TFCP2L1: variants seen among roughly 807,000 people sequenced by gnomAD.
The protein encoded by TFCP2L1 is transcription factor CP2 like 1, also known as transcription factor CP2-like protein 1.
Under a neutral mutation model 72.2 loss-of-function variants are expected in TFCP2L1, and 12 were observed. The observed-to-expected ratio is 0.17, with a 90% CI of 0.11 to 0.27. TFCP2L1 has a LOEUF of 0.27. Ranked by LOEUF, TFCP2L1 falls within the 10% of genes least tolerant of loss-of-function variation. TFCP2L1 has a pLI of 1.00. For missense variants in TFCP2L1, 488 were observed against 624.6 expected (o/e 0.78, Z 2.33); for synonymous variants, 260 against 251.0 (o/e 1.04, Z -0.34).
At chr2:121,257,689 C>G (rs1457435256) in intron 2 of TFCP2L1, among the ~76,000 whole-genome samples, 3 of 152,244 alleles carry the variant, frequency 2.0e-5, no homozygotes, top group Non-Finnish European at 4.4e-5. Flanking sequence ...CATAAGACCG[C>G]CCACACTATT....
chr2:121,249,166 A>T (rs1220619246), intron 3 of TFCP2L1, 79 bp from the exon 4 acceptor site: 1 of 1,142,124 alleles, frequency 8.8e-7, no homozygotes, highest in Non-Finnish European at 1.2e-6. Flanking sequence ...GAGCCACAGT[A>T]AACCCTCCCA....
chr2:121,247,374 G>C (rs766368428), intron 5 of TFCP2L1, among the ~76,000 whole-genome samples: 1 of 152,092 alleles, frequency 6.6e-6, no homozygotes, highest in Non-Finnish European at 1.5e-5. Flanking sequence ...CTCAGGCCAG[G>C]CTTAAAGGAC....
chr2:121,224,221 G>C lies in TFCP2L1; in HGVS notation c.*120C>G. ...GTGCTCTGTAGCTTTCACAGACTGG[G>C]CAGGGTCCCTCCTGGCCTCAGCTTG... On this transcript the variant is annotated 3_prime_UTR_variant, in exon 15 of 15. Coordinates refer to ENST00000263707, the MANE Select transcript of TFCP2L1 (RefSeq NM_014553.3). 1.8e-6 allele frequency: 2 copies of C among 1,138,724 alleles called. No individual in the cohort carries two copies. The highest frequency in any genetic ancestry group is 2.6e-6 in the Non-Finnish European group (2 of 777,234). The allele number at this position is 1,138,724 out of a possible 1,614,324, so 70.5% of individuals were successfully genotyped here.
intron 2 of TFCP2L1, among the ~76,000 whole-genome samples, chr2:121,270,584 T>C (rs1383514686): frequency 6.6e-6 from 1 of 152,152 alleles, no homozygotes; most frequent in Non-Finnish European, 1.5e-5. Flanking sequence ...CTAATGTTCC[T>C]CAACAGAACA....
intron 7 of TFCP2L1, among the ~76,000 whole-genome samples, chr2:121,242,083 C>CAAAAAAA (rs541937558): frequency 4.6e-5 from 3 of 65,488 alleles, no homozygotes; most frequent in Non-Finnish European, 6.2e-5. Flanking sequence ...ATTACCTACT[C>CAAAAAAA]AAAAAAAAAA....
At chr2:121,243,148 C>A (rs1181399078) in intron 6 of TFCP2L1, among the ~76,000 whole-genome samples, 1 of 152,242 alleles carries the variant, frequency 6.6e-6, no homozygotes, top group Non-Finnish European at 1.5e-5. Context: ...GGCGCCTTCT[C>A]GACCTTGCTA....
intron 10 of TFCP2L1, 92 bp from the exon 11 acceptor site, chr2:121,235,403 TG>T (rs1325800011): frequency 4.4e-5 from 46 of 1,037,516 alleles, no homozygotes; most frequent in East Asian, 8.1e-5. Context: ...GCACTGGGGG[TG>T]GGGGGTGGGG....
At chr2:121,265,286 G>A (rs978799268) in intron 2 of TFCP2L1, among the ~76,000 whole-genome samples, 2 of 152,194 alleles carry the variant, frequency 1.3e-5, no homozygotes, top group African/African-American at 4.8e-5. Context: ...TAGAGATAAA[G>A]TAGATTACTG....
At chr2:121,227,924 C>T (rs903704052) in intron 13 of TFCP2L1, among the ~76,000 whole-genome samples, 1 of 152,234 alleles carries the variant, frequency 6.6e-6, no homozygotes, top group African/African-American at 2.4e-5. Context: ...TGCTGGCCTG[C>T]TCCATCTAGC....
chr2:121,273,920 C>T (rs1372356731), intron 2 of TFCP2L1, among the ~76,000 whole-genome samples: 2 of 151,938 alleles, frequency 1.3e-5, no homozygotes, highest in East Asian at 1.9e-4. Flanking sequence ...TGGCTAAACC[C>T]GGTCTCTATT....
rs989630866 is a variant in TFCP2L1 at position 121,220,327 on chromosome 2, A to G, written c.*4014T>C. On this transcript the variant is annotated 3_prime_UTR_variant, in exon 15 of 15. Coordinates refer to ENST00000263707, the MANE Select transcript of TFCP2L1 (RefSeq NM_014553.3). ...CCCAAGTCAAAGCCTCGACCTCCCCACCCCATCCTGTCCTTTCCACAGGCA... is the reference window on the plus strand; with the variant it reads ...CCCAAGTCAAAGCCTCGACCTCCCCGCCCCATCCTGTCCTTTCCACAGGCA... 1 of 151,876 alleles carries G rather than the reference A, an allele frequency of 6.6e-6. No homozygotes were observed. Among genetic ancestry groups the G allele is most frequent in the African/African-American group, 2.4e-5 (1 of 41,280 alleles). 9.4% of individuals were successfully genotyped at this position (151,876 alleles called of 1,614,324 possible).
rs1378209001 is a variant in TFCP2L1 at position 121,231,927 on chromosome 2, G to C, written c.1240C>G (p.Leu414Val). ...TACAGGTTGGCGATCTTCTCAATCAGCTCCAAGGTGGTCAGCTCTTCCAGG... is the reference window on the plus strand; with the variant it reads ...TACAGGTTGGCGATCTTCTCAATCACCTCCAAGGTGGTCAGCTCTTCCAGG... ...IFLEELTTLE[L>V]IEKIANLYSI... The change falls in exon 13 of 15, where the codon CTG (leucine) becomes GTG (valine). Residue 414 changes from leucine to valine, a missense_variant. This residue lies in a region of TFCP2L1 where 286 missense variants were observed against 329.0 expected (regional missense o/e 0.87). Coordinates refer to ENST00000263707, the MANE Select transcript of TFCP2L1 (RefSeq NM_014553.3). The C allele has an allele frequency of 4.3e-6, 7 of 1,611,724 alleles. No homozygotes were observed. Among genetic ancestry groups the C allele is most frequent in the Non-Finnish European group, 5.1e-6 (6 of 1,178,586 alleles).
intron 13 of TFCP2L1, 38 bp from the exon 14 acceptor site, chr2:121,225,651 G>A (rs116050964): frequency 3.0e-5 from 48 of 1,611,310 alleles, no homozygotes; most frequent in Non-Finnish European, 3.9e-5. Context: ...CTTCAACCAC[G>A]AGTTCATCAT....
At chr2:121,234,790 T>C (rs963422995) in intron 11 of TFCP2L1, among the ~76,000 whole-genome samples, 2 of 152,230 alleles carry the variant, frequency 1.3e-5, no homozygotes, top group East Asian at 1.9e-4. Flanking sequence ...GGCAGGAAGG[T>C]GTGCAGGACG....
chr2:121,281,884 A>T (rs952542010), intron 1 of TFCP2L1, among the ~76,000 whole-genome samples: 7 of 124,774 alleles, frequency 5.6e-5, no homozygotes, highest in Non-Finnish European at 7.9e-5. Context: ...AAAGGCAAAC[A>T]GGAAGGAAGG....
At chr2:121,228,485 C>A (rs1573356160) in intron 13 of TFCP2L1, among the ~76,000 whole-genome samples, 2 of 151,064 alleles carry the variant, frequency 1.3e-5, no homozygotes, top group African/African-American at 4.9e-5. Context: ...CTAGGCCGAG[C>A]ACAGTGGCTC....
chr2:121,274,701 C>A (rs1393168678), intron 2 of TFCP2L1, among the ~76,000 whole-genome samples: 1 of 152,170 alleles, frequency 6.6e-6, no homozygotes, highest in Non-Finnish European at 1.5e-5. Flanking sequence ...GTAATCCCAA[C>A]ACTTTGGGAG....
chr2:121,256,330 T>C (rs930082214), intron 2 of TFCP2L1, among the ~76,000 whole-genome samples: 1 of 152,076 alleles, frequency 6.6e-6, no homozygotes, highest in African/African-American at 2.4e-5. Flanking sequence ...AACAGAACAA[T>C]AGGAAAGAAC....
At chr2:121,238,630 G>C (rs903334435) in intron 8 of TFCP2L1, among the ~76,000 whole-genome samples, 1 of 152,078 alleles carries the variant, frequency 6.6e-6, no homozygotes, top group Non-Finnish European at 1.5e-5. Flanking sequence ...GCCACTTCTC[G>C]CCAAGTGTCT....
Sources: gnomAD v4.1 joint callset for allele counts (sites outside exome capture counted in the v4.1 genomes callset) on GRCh38, gnomAD v4.1.1 for gene constraint, gnomAD v4.1.1 regional missense constraint, MANE v1.5 for transcripts, NCBI Gene and HGNC (gene_info 2026-07-23, HGNC 2026-07-21) for gene names.